Variants in GABRG3 observed in about 807,000 individuals in gnomAD.
GABRG3 encodes gamma-aminobutyric acid receptor subunit gamma-3.
In GABRG3, 25 loss-of-function variants were observed where a neutral mutation model predicts 48.8. The ratio of observed to expected loss-of-function variants is 0.51; its 90% CI spans 0.37 to 0.72. GABRG3 has a LOEUF of 0.72. Among genes scored for constraint, GABRG3 ranks in the 30% least tolerant of loss-of-function variants. GABRG3 has a pLI of 0.00. For missense variants in GABRG3, 394 were observed against 577.9 expected, an observed-to-expected ratio of 0.68 and a Z score of 3.26; for synonymous variants, 227 against 217.6, an observed-to-expected ratio of 1.04 and a Z score of -0.38.
intron 2 of GABRG3, among the ~76,000 whole-genome samples, chr15:27,017,983 T>G (rs938477524): frequency 6.6e-6 from 1 of 152,186 alleles, no homozygotes; most frequent in Admixed American, 6.5e-5. Flanking sequence ...TCACATCTGC[T>G]CTGAACTCAC....
At chr15:27,074,532 G>A (rs1480564083) in intron 3 of GABRG3, among the ~76,000 whole-genome samples, 1 of 151,888 alleles carries the variant, frequency 6.6e-6, no homozygotes, top group African/African-American at 2.4e-5. Context: ...TCCCTTCCTC[G>A]GAGGATGGGA....
intron 7 of GABRG3, among the ~76,000 whole-genome samples, chr15:27,524,012 G>A (rs1329674537): frequency 6.6e-6 from 1 of 151,936 alleles, no homozygotes; most frequent in Non-Finnish European, 1.5e-5. Context: ...TTGCCAAAAG[G>A]CATAAATCTA....
rs557460693 is a variant in GABRG3, at chr15:27,062,133, A to G, written c.270+35312A>G. On this transcript the variant is annotated intron_variant, in intron 3 of 9. Transcript: ENST00000615808. Reference sequence around the variant, plus strand: ...TGTCCCATGAGAGTGCCTGTGATAGAGTTTCCAGACCTGGCCATCCCACAG... The same window carrying G: ...TGTCCCATGAGAGTGCCTGTGATAGGGTTTCCAGACCTGGCCATCCCACAG... 2.6e-5 allele frequency among the ~76,000 whole-genome samples: 4 copies of G among 152,210 alleles called. No homozygotes were observed. The South Asian group carries it at 8.3e-4, about 32-fold the overall frequency.
At chr15:27,508,923 G>C (rs907557617) in intron 6 of GABRG3, among the ~76,000 whole-genome samples, 2 of 152,078 alleles carry the variant, frequency 1.3e-5, no homozygotes, top group African/African-American at 4.8e-5. Context: ...GTTTCACCGT[G>C]TTAGCCGGGA....
chr15:27,135,471 A>C (rs1288365433), intron 3 of GABRG3, among the ~76,000 whole-genome samples: 2 of 152,256 alleles, frequency 1.3e-5, no homozygotes, highest in Admixed American at 6.5e-5. Context: ...TAGCTCCACT[A>C]TCCAGTACTT....
chr15:27,093,792 A>T (rs1379988092), intron 3 of GABRG3, among the ~76,000 whole-genome samples: 3 of 152,116 alleles, frequency 2.0e-5, no homozygotes, highest in Non-Finnish European at 4.4e-5. Context: ...GAAGGTATTG[A>T]CACTATTGCA....
chr15:27,208,207 T>TC (rs1888929814), intron 3 of GABRG3: 1 of 159,990 alleles, frequency 6.3e-6, no homozygotes, highest in South Asian at 1.7e-4. Flanking sequence ...GGACTTGATG[T>TC]CCAACTTCTG....
intron 3 of GABRG3, among the ~76,000 whole-genome samples, chr15:27,150,735 G>C (rs1489834488): frequency 1.3e-5 from 2 of 152,202 alleles, no homozygotes; most frequent in African/African-American, 4.8e-5. Context: ...CTCGTTACTG[G>C]CAGAGTGCAG....
chr15:27,182,728 T>C (rs1887970808), intron 3 of GABRG3, among the ~76,000 whole-genome samples: 1 of 152,112 alleles, frequency 6.6e-6, no homozygotes, highest in African/African-American at 2.4e-5. Flanking sequence ...CTCCATTGGA[T>C]GTGCTGTGCG....
intron 5 of GABRG3, among the ~76,000 whole-genome samples, chr15:27,393,658 T>G (rs1887215906): frequency 6.6e-6 from 1 of 152,212 alleles, no homozygotes; most frequent in Non-Finnish European, 1.5e-5. Context: ...CTTGCTTAAT[T>G]TTTTAAGGCC....
intron 3 of GABRG3, among the ~76,000 whole-genome samples, chr15:27,130,898 G>C (rs1897904854): frequency 1.3e-5 from 2 of 151,974 alleles, no homozygotes; most frequent in African/African-American, 2.4e-5. Context: ...TCATTTGTTA[G>C]TCCTAACAGG....
At chr15:27,258,315 A>G (rs907712245) in intron 3 of GABRG3, among the ~76,000 whole-genome samples, 5 of 152,214 alleles carry the variant, frequency 3.3e-5, no homozygotes, top group Non-Finnish European at 5.9e-5. Context: ...TATTTTAAAA[A>G]GTGCCTGCAC....
rs796333962 is a variant in GABRG3, at chr15:27,357,917, C to A, written c.574+29029C>A. ...TTCCCAAACATTGGTTTATCTTGTACTTTAAATGTACCTTTTACCCATGCA... is the reference window on the plus strand; with the variant it reads ...TTCCCAAACATTGGTTTATCTTGTAATTTAAATGTACCTTTTACCCATGCA... On this transcript the variant is annotated intron_variant, in intron 5 of 9. Coordinates refer to ENST00000615808, the MANE Select transcript of GABRG3 (RefSeq NM_033223.5). 2.0e-5 allele frequency among the ~76,000 whole-genome samples: 3 copies of A among 152,268 alleles called. No individual in the cohort carries two copies. The South Asian group carries it at 6.2e-4, about 32-fold the overall frequency.
intron 3 of GABRG3, among the ~76,000 whole-genome samples, chr15:27,035,286 G>A (rs1012278109): frequency 6.6e-6 from 1 of 152,202 alleles, no homozygotes; most frequent in Non-Finnish European, 1.5e-5. Context: ...GTAGGATGGG[G>A]TGTTGTCTAT....
At chr15:27,170,965 TC>T (rs932462824) in intron 3 of GABRG3, among the ~76,000 whole-genome samples, 1 of 152,186 alleles carries the variant, frequency 6.6e-6, no homozygotes, top group Non-Finnish European at 1.5e-5. Flanking sequence ...TTCAAGTCTG[TC>T]CCTTCCAGAT....
chr15:27,195,453 T>C (rs1315716079), intron 3 of GABRG3, among the ~76,000 whole-genome samples: 1 of 151,860 alleles, frequency 6.6e-6, no homozygotes, highest in Non-Finnish European at 1.5e-5. Flanking sequence ...TGCCTCAGCC[T>C]CCTGAGTAGC....
chr15:27,050,335 C>T (rs1220311348), intron 3 of GABRG3, among the ~76,000 whole-genome samples: 1 of 152,146 alleles, frequency 6.6e-6, no homozygotes, highest in Non-Finnish European at 1.5e-5. Flanking sequence ...CCCTGGTGAC[C>T]CCAAACTGCA....
intron 5 of GABRG3, among the ~76,000 whole-genome samples, chr15:27,342,842 G>A (rs989182525): frequency 2.0e-5 from 3 of 152,128 alleles, no homozygotes; most frequent in Admixed American, 6.5e-5. Flanking sequence ...CGTTGCTCCC[G>A]CCTCACCTGC....
intron 3 of GABRG3, among the ~76,000 whole-genome samples, chr15:27,094,565 G>A (rs4555125): frequency 0.26 from 39,569 of 152,064 alleles, 5,317 homozygotes; most frequent in Middle Eastern, 0.34. Context: ...GATTCCTGGG[G>A]CTCAGGAAAC....
Sources: gnomAD v4.1 joint callset for allele counts (sites outside exome capture counted in the v4.1 genomes callset) on GRCh38, gnomAD v4.1.1 for gene constraint, MANE v1.5 for transcripts, NCBI Gene and HGNC (gene_info 2026-07-23, HGNC 2026-07-21) for gene names.